Variants in GAB1 observed in about 807,000 individuals in gnomAD.
GAB1 encodes GRB2-associated-binding protein 1.
Under a neutral mutation model 66.5 loss-of-function variants are expected in GAB1, and 19 were observed. The observed-to-expected ratio is 0.29, with a 90% CI of 0.20 to 0.42. The LOEUF (loss-of-function observed/expected upper bound fraction) is 0.42, where lower values mean the gene tolerates loss of function less well. Ranked by LOEUF, GAB1 falls within the 10% of genes least tolerant of loss-of-function variation. The probability of loss-of-function intolerance (pLI) is 1.00; values close to 1 mark genes in which losing one functional copy is unlikely to be tolerated. For missense variants in GAB1, 732 were observed against 858.5 expected (o/e 0.85, Z 1.84); for synonymous variants, 294 against 301.4 (o/e 0.98, Z 0.25).
chr4:143,341,870 A>G (rs1196751518), intron 1 of GAB1, among the ~76,000 whole-genome samples: 1 of 152,232 alleles, frequency 6.6e-6, no homozygotes, highest in Non-Finnish European at 1.5e-5. Context: ...TAGTGTCACT[A>G]CAACAAAGAG....
At chr4:143,462,404 A>G (rs1735542487) in intron 8 of GAB1, among the ~76,000 whole-genome samples, 1 of 152,160 alleles carries the variant, frequency 6.6e-6, no homozygotes, top group Admixed American at 6.5e-5. Context: ...CTGAGGTACT[A>G]AAGAGTGTGT....
intron 1 of GAB1, among the ~76,000 whole-genome samples, chr4:143,344,165 G>T (rs1000952273): frequency 6.6e-6 from 1 of 152,158 alleles, no homozygotes; most frequent in Non-Finnish European, 1.5e-5. Flanking sequence ...TGATTCATTT[G>T]CTTCTGAGTT....
intron 1 of GAB1, among the ~76,000 whole-genome samples, chr4:143,347,395 T>C (rs1729023833): frequency 6.6e-6 from 1 of 152,248 alleles, no homozygotes; most frequent in African/African-American, 2.4e-5. Context: ...TATTGAAACT[T>C]TTTTCTAATT....
At chr4:143,448,700 T>G (rs1408765534) in intron 6 of GAB1, among the ~76,000 whole-genome samples, 5 of 151,578 alleles carry the variant, frequency 3.3e-5, no homozygotes, top group East Asian at 1.9e-4. Flanking sequence ...TATTAGTCTT[T>G]CTAGCAGTCT....
At chr4:143,368,228 A>C (rs997195801) in intron 1 of GAB1, among the ~76,000 whole-genome samples, 2 of 151,512 alleles carry the variant, frequency 1.3e-5, no homozygotes, top group African/African-American at 4.8e-5. Context: ...AATTTCTTCT[A>C]TTCTAATGAT....
chr4:143,409,451 G>C (rs1018139224), intron 1 of GAB1, among the ~76,000 whole-genome samples: 2 of 146,010 alleles, frequency 1.4e-5, no homozygotes, highest in African/African-American at 5.1e-5. Flanking sequence ...TTATTCTGAT[G>C]GACAACATCT....
chr4:143,436,929 G>A (rs939361266), intron 3 of GAB1, among the ~76,000 whole-genome samples: 1 of 152,174 alleles, frequency 6.6e-6, no homozygotes, highest in Non-Finnish European at 1.5e-5. Context: ...TTAGAGGACT[G>A]AACTCTGTTG....
chr4:143,413,054 G>A (rs1380705166), intron 1 of GAB1, among the ~76,000 whole-genome samples: 2 of 152,114 alleles, frequency 1.3e-5, no homozygotes, highest in Non-Finnish European at 2.9e-5. Context: ...GAAGTATGTA[G>A]TAAAGCATTT....
chr4:143,373,078 C>T (rs1251289343), intron 1 of GAB1, among the ~76,000 whole-genome samples: 2 of 148,226 alleles, frequency 1.3e-5, no homozygotes, highest in African/African-American at 2.5e-5. Flanking sequence ...CACACACACA[C>T]ATCTGTGTTA....
rs750763922 is a variant in GAB1 at position 143,415,705 on chromosome 4, G to A, written c.301G>A (p.Glu101Lys). The change falls in exon 2 of 10, where the codon GAG becomes AAG. Residue 101 changes from glutamate to lysine, a missense_variant. Physicochemically the swap from Glu to Lys is moderately conservative, Grantham distance 56. This residue lies in a region of GAB1 where 66 missense variants were observed against 130.3 expected (regional missense o/e 0.51). Coordinates refer to ENST00000262994, the MANE Select transcript of GAB1 (RefSeq NM_002039.4). ...GATTTTCTACTTGGTAGCAGACAGCGAGGAGGAGATGAATAAGTGGGTTCG... is the reference window on the plus strand; with the variant it reads ...GATTTTCTACTTGGTAGCAGACAGCAAGGAGGAGATGAATAAGTGGGTTCG... The part of the protein sequence containing the change: ...DRIFYLVADS[E>K]EEMNKWVRCI... 3 of 1,614,006 alleles carry A rather than the reference G, an allele frequency of 1.9e-6. No homozygotes were observed. The highest frequency in any genetic ancestry group is 2.5e-6 in the Non-Finnish European group (3 of 1,179,910).
intron 1 of GAB1, among the ~76,000 whole-genome samples, chr4:143,357,865 C>CATATATATAT (rs28989211): frequency 6.7e-6 from 1 of 148,892 alleles, no homozygotes; most frequent in African/African-American, 2.5e-5. Flanking sequence ...AGTTTTAAAT[C>CATATATATAT]ATATATATAT....
intron 1 of GAB1, chr4:143,343,640 T>C (rs955087088): frequency 6.5e-6 from 1 of 154,850 alleles, no homozygotes; most frequent in Non-Finnish European, 1.5e-5. Context: ...CTATGATATA[T>C]GATTAGTTGC....
intron 1 of GAB1, among the ~76,000 whole-genome samples, chr4:143,404,321 A>G (rs141990414): frequency 1.3e-5 from 2 of 152,210 alleles, no homozygotes; most frequent in African/African-American, 2.4e-5. Flanking sequence ...TTTCCTAATC[A>G]TGACAATAAC....
At chr4:143,363,686 C>T (rs552420766) in intron 1 of GAB1, among the ~76,000 whole-genome samples, 7 of 152,222 alleles carry the variant, frequency 4.6e-5, no homozygotes, top group East Asian at 1.9e-4. Flanking sequence ...CCATGAGGTG[C>T]GGTGATAGAA....
intron 1 of GAB1, among the ~76,000 whole-genome samples, chr4:143,404,459 T>G (rs1400885394): frequency 6.6e-6 from 1 of 152,226 alleles, no homozygotes; most frequent in Non-Finnish European, 1.5e-5. Flanking sequence ...TTTAAATATT[T>G]GTTGTGGATT....
chr4:143,354,606 T>C (rs953097710), intron 1 of GAB1, among the ~76,000 whole-genome samples: 1 of 152,180 alleles, frequency 6.6e-6, no homozygotes. Context: ...AAAAAAAACT[T>C]AGTGTAGAAG....
At chr4:143,388,695 A>G (rs1212307917) in intron 1 of GAB1, among the ~76,000 whole-genome samples, 2 of 152,164 alleles carry the variant, frequency 1.3e-5, no homozygotes, top group African/African-American at 4.8e-5. Flanking sequence ...GATTATAGGC[A>G]TGAGTCACTG....
rs1344720439 is a variant in GAB1, at chr4:143,471,045, A to G, written c.*1856A>G. On this transcript the variant is annotated 3_prime_UTR_variant, in exon 10 of 10. Transcript: ENST00000262994. ...ATCTAAAATCCTGAAATGTGCCTAA[A>G]CTATCAAAACACACGATACAGCTAA... The G allele has an allele frequency of 6.6e-6, 1 of 152,240 alleles. No homozygotes were observed. The highest frequency in any genetic ancestry group is 1.5e-5 in the Non-Finnish European group (1 of 68,042). The allele number at this position is 152,240 out of a possible 1,614,324, so 9.4% of individuals were successfully genotyped here. A position where few individuals can be genotyped will look rare whatever the true frequency, so the allele number is the denominator to read the frequency against.
intron 1 of GAB1, among the ~76,000 whole-genome samples, chr4:143,367,169 T>A (rs760447897): frequency 6.6e-6 from 1 of 152,156 alleles, no homozygotes; most frequent in Non-Finnish European, 1.5e-5. Flanking sequence ...TTGGTAGTTA[T>A]TATTTCTAAT....
Sources: allele counts gnomAD v4.1 joint callset (sites outside exome capture counted in the v4.1 genomes callset), GRCh38; gene constraint gnomAD v4.1.1; regional missense constraint gnomAD v4.1.1; transcripts MANE v1.5; gene names NCBI Gene and HGNC (gene_info 2026-07-23, HGNC 2026-07-21).